Variants in RASA4B observed in about 807,000 individuals in gnomAD.
The protein encoded by RASA4B is RAS p21 protein activator 4B, also known as ras GTPase-activating protein 4B.
In RASA4B, 2 loss-of-function variants were observed where a neutral mutation model predicts 24.2. The ratio of observed to expected loss-of-function variants is 0.08; its 90% CI spans 0.03 to 0.26. The LOEUF is 0.26. RASA4B is among the 10% of genes least tolerant of loss of function. RASA4B has a pLI of 1.00. For missense variants in RASA4B, 8 were observed against 277.2 expected (o/e 0.03, Z 6.90); for synonymous variants, 2 against 125.6 (o/e 0.02, Z 6.58).
chr7:102,498,790 C>T (rs868506206), intron 8 of RASA4B, among the ~76,000 whole-genome samples: 2 of 105,702 alleles, frequency 1.9e-5, no homozygotes, highest in Non-Finnish European at 4.2e-5. Flanking sequence ...CTCAAACTCC[C>T]AAAGTGTTGG....
rs868483428 is a variant in RASA4B, at chr7:102,504,701, C to A, written c.429-1457G>T. On this transcript the variant is annotated intron_variant, in intron 5 of 20. Transcript: ENST00000465829. ...CCTCAAAAAAAAAAAAAAAACCCAC[C>A]AAAAAAAAAAAAAACAGCCCGGGTG... Among the ~76,000 whole-genome samples the A allele has an allele frequency of 1.4e-4, 15 of 108,442 alleles. No homozygotes were observed. The East Asian group carries it at 1.4e-3, about 10-fold the overall frequency. 71.1% of individuals were successfully genotyped at this position (108,442 alleles called of 152,430 possible). A position where few individuals can be genotyped will look rare whatever the true frequency, so the allele number is the denominator to read the frequency against.
chr7:102,497,093 T>C (rs1486529060), intron 8 of RASA4B, 129 bp from the exon 9 acceptor site: 15 of 1,042,416 alleles, frequency 1.4e-5, no homozygotes, highest in Non-Finnish European at 2.1e-5. Context: ...TCCATTCGGG[T>C]GCCCTGCATA....
At chr7:102,500,580 CTG>C (rs1799331580) in intron 8 of RASA4B, 117 bp downstream of exon 8, 1 of 166,246 alleles carries the variant, frequency 6.0e-6, no homozygotes, top group Admixed American at 7.8e-5. Context: ...GACCCTGGAG[CTG>C]TGTCTCCTGA....
At chr7:102,507,510 CAAA>C (rs1163660830) in intron 4 of RASA4B, among the ~76,000 whole-genome samples, 45 of 97,656 alleles carry the variant, frequency 4.6e-4, no homozygotes, top group Admixed American at 5.8e-4. Flanking sequence ...GACCCCATCT[CAAA>C]AAAAAAAAAA....
chr7:102,481,058 CTCTT>C lies in RASA4B; in HGVS notation c.*2530_*2533del, dbSNP rs1319079664. ...TTTGTTGCAATTGGTTAAATATCTT[CTCTT>C]TTTTATACTTTTTATTGTAGTAAAA... On this transcript the variant is annotated 3_prime_UTR_variant, in exon 21 of 21. Coordinates refer to ENST00000465829, the MANE Select transcript of RASA4B (RefSeq NM_001367767.2). Among the ~76,000 whole-genome samples, 4 of 91,210 alleles carry C rather than the reference CTCTT, an allele frequency of 4.4e-5. 2 individuals carry two copies. Among genetic ancestry groups the C allele is most frequent in the East Asian group, 4.7e-4 (2 of 4,250 alleles). The allele number at this position is 91,210 out of a possible 152,430, so 59.8% of individuals were successfully genotyped here.
At chr7:102,489,642 A>ATG (rs1798841446) in intron 17 of RASA4B, among the ~76,000 whole-genome samples, 2 of 143,136 alleles carry the variant, frequency 1.4e-5, no homozygotes. Flanking sequence ...ACAGGCACCC[A>ATG]CCACCACACC....
Position 102,496,829 on chromosome 7 carries a change from C to CA in RASA4B, c.855+17_855+18insT. The stretch of plus-strand genomic sequence containing the variant: ...CCTACTGCCACTGGACCCTCCCACC[C>CA]TGCCCAGGCCCCCTCACCTGCATGC... On this transcript the variant is annotated intron_variant, in intron 9 of 20. Transcript: ENST00000465829. 1.1e-6 allele frequency: 1 copy of CA among 932,444 alleles called. No homozygotes were observed. Among genetic ancestry groups the CA allele is most frequent in the Non-Finnish European group, 1.7e-6 (1 of 595,506 alleles). 57.8% of individuals were successfully genotyped at this position (932,444 alleles called of 1,614,324 possible).
At chr7:102,500,418 G>A (rs1317605478) in intron 8 of RASA4B, among the ~76,000 whole-genome samples, 5 of 135,442 alleles carry the variant, frequency 3.7e-5, no homozygotes, top group Non-Finnish European at 8.2e-5. Context: ...CCTGCAGTGA[G>A]TCGAGATCAC....
intron 2 of RASA4B, among the ~76,000 whole-genome samples, chr7:102,511,401 G>T (rs1469130335): frequency 9.7e-6 from 1 of 102,848 alleles, no homozygotes; most frequent in Non-Finnish European, 2.1e-5. Flanking sequence ...ACTCTCAGGG[G>T]ACAGGACCCA....
intron 16 of RASA4B, among the ~76,000 whole-genome samples, chr7:102,491,962 TAAAG>T (rs1798969522): frequency 7.8e-5 from 2 of 25,770 alleles, no homozygotes; most frequent in African/African-American, 1.4e-4. Context: ...AAAAAAAAGT[TAAAG>T]AAAATTAGCT....
intron 16 of RASA4B, among the ~76,000 whole-genome samples, chr7:102,492,006 G>A (rs1798971096): frequency 8.5e-5 from 2 of 23,484 alleles, no homozygotes; most frequent in African/African-American, 1.6e-4. Flanking sequence ...TGTAGTCCCA[G>A]CTACTCGGGA....
chr7:102,502,642 C>G (rs1292235157), intron 6 of RASA4B, among the ~76,000 whole-genome samples: 1 of 111,550 alleles, frequency 9.0e-6, no homozygotes, highest in Non-Finnish European at 2.3e-5. Flanking sequence ...TGCCTGTAAT[C>G]CTAGCTACTC....
chr7:102,508,659 CAG>C (rs1378274415), intron 4 of RASA4B, among the ~76,000 whole-genome samples: 1 of 107,212 alleles, frequency 9.3e-6, no homozygotes, highest in African/African-American at 3.3e-5. Flanking sequence ...TTAGTAGAGA[CAG>C]AGTTTTGCCA....
At chr7:102,498,731 A>T (rs1799262050) in intron 8 of RASA4B, among the ~76,000 whole-genome samples, 1 of 106,300 alleles carries the variant, frequency 9.4e-6, no homozygotes, top group Non-Finnish European at 2.1e-5. Context: ...GTGTTTCACC[A>T]TGTTGGCCAG....
At chr7:102,484,747 A>T (rs1469148145) in intron 19 of RASA4B, among the ~76,000 whole-genome samples, 1 of 149,508 alleles carries the variant, frequency 6.7e-6, no homozygotes, top group East Asian at 2.1e-4. Context: ...GGACGAAGCA[A>T]GATGGCCAGG....
At chr7:102,504,662 A>G (rs1799431802) in intron 5 of RASA4B, among the ~76,000 whole-genome samples, 1 of 120,000 alleles carries the variant, frequency 8.3e-6, no homozygotes, top group Non-Finnish European at 1.7e-5. Context: ...AGCCTGGGCG[A>G]CAGAGCCAGA....
At position 102,480,126 on chromosome 7, in the gene RASA4B, C is replaced by G. The variant is rs1230498821; in HGVS notation, c.*3466G>C. Among the ~76,000 whole-genome samples the G allele has an allele frequency of 6.6e-6, 1 of 152,090 alleles. No homozygotes were observed. Among genetic ancestry groups the G allele is most frequent in the South Asian group, 2.1e-4 (1 of 4,824 alleles). On this transcript the variant is annotated 3_prime_UTR_variant, in exon 21 of 21. Transcript: ENST00000465829. ...GTGCGAGCTTTCTGTTATGCCCGGA[C>G]AGGGCCACCAGAGGGCTCCTTGGTC... is the stretch of plus-strand genomic sequence containing the variant.
At chr7:102,498,325 G>A (rs1257551188) in intron 8 of RASA4B, among the ~76,000 whole-genome samples, 2 of 149,040 alleles carry the variant, frequency 1.3e-5, no homozygotes, top group East Asian at 2.0e-4. Flanking sequence ...GCAGTGGCGC[G>A]ATCTCGGCTC....
At chr7:102,505,994 C>A (rs1799486692) in intron 5 of RASA4B, among the ~76,000 whole-genome samples, 1 of 141,318 alleles carries the variant, frequency 7.1e-6, no homozygotes, top group African/African-American at 2.8e-5. Flanking sequence ...GAGGGACCCA[C>A]TTACACACAC....
Sources: gnomAD v4.1 joint callset for allele counts (sites outside exome capture counted in the v4.1 genomes callset) on GRCh38, gnomAD v4.1.1 for gene constraint, MANE v1.5 for transcripts, NCBI Gene and HGNC (gene_info 2026-07-23, HGNC 2026-07-21) for gene names.